Variants in CADM2 observed in about 807,000 individuals in gnomAD.
The protein encoded by CADM2 is immunoglobulin superfamily member 4D.
In CADM2, 12 loss-of-function variants were observed where a neutral mutation model predicts 49.8. The observed-to-expected ratio is 0.24, with a 90% confidence interval of 0.15 to 0.39. The LOEUF (loss-of-function observed/expected upper bound fraction) is 0.39. Ranked by LOEUF, CADM2 falls within the 10% of genes least tolerant of loss-of-function variation. CADM2 has a pLI of 1.00. For synonymous variants in CADM2, 214 were observed against 175.4 expected (o/e 1.22, Z -1.74); for missense variants, 378 against 492.3 (o/e 0.77, Z 2.20).
intron 1 of CADM2, among the ~76,000 whole-genome samples, chr3:85,251,965 T>G (rs543045846): frequency 3.9e-5 from 6 of 152,076 alleles, no homozygotes; most frequent in African/African-American, 1.4e-4. Context: ...ACTTTTCTCA[T>G]AATGGTCAAT....
intron 1 of CADM2, among the ~76,000 whole-genome samples, chr3:85,649,881 AG>A (rs1230772347): frequency 6.6e-6 from 1 of 152,162 alleles, no homozygotes; most frequent in Admixed American, 6.6e-5. Context: ...AAGGACAACC[AG>A]GTCTGTGCGA....
Position 85,479,905 on chromosome 3 carries a change from G to T in CADM2, c.62-246617G>T, listed in dbSNP as rs538204480. Reference sequence around the variant, plus strand: ...GTAAACAACAATTAACTATTTGTCTGATTATTTGATTTGGAATCTTTCTAT... The same window carrying T: ...GTAAACAACAATTAACTATTTGTCTTATTATTTGATTTGGAATCTTTCTAT... On this transcript the variant is annotated intron_variant, in intron 1 of 9. Coordinates refer to ENST00000383699, the MANE Select transcript of CADM2 (RefSeq NM_001167675.2). 2.0e-5 allele frequency among the ~76,000 whole-genome samples: 3 copies of T among 151,980 alleles called. No individual in the cohort carries two copies. In the East Asian group the frequency reaches 5.8e-4, roughly 29 times the overall value.
At chr3:85,738,990 T>A (rs934726382) in intron 2 of CADM2, among the ~76,000 whole-genome samples, 4 of 152,078 alleles carry the variant, frequency 2.6e-5, no homozygotes, top group Non-Finnish European at 5.9e-5. Context: ...GATATATCAA[T>A]CTCAATGATT....
rs531071266 is a variant in CADM2, at chr3:86,019,878, C to G, written c.971-45727C>G. 3.8e-4 allele frequency among the ~76,000 whole-genome samples: 58 copies of G among 152,166 alleles called. 2 individuals carry two copies. In the South Asian group the frequency reaches 0.011, roughly 28 times the overall value. On this transcript the variant is annotated intron_variant, in intron 8 of 9. Coordinates refer to ENST00000383699, the MANE Select transcript of CADM2 (RefSeq NM_001167675.2). ...AATTGAATACCCTTTATTTCCTTCT[C>G]CTGCCTAATTGCCCTGGCCAAAATT...
chr3:85,623,145 CACTT>C (rs1334154895), intron 1 of CADM2, among the ~76,000 whole-genome samples: 2 of 152,120 alleles, frequency 1.3e-5, no homozygotes, highest in African/African-American at 4.8e-5. Context: ...GACAAAATGT[CACTT>C]AACACCACTA....
chr3:85,584,631 C>A (rs1576866597), intron 1 of CADM2, among the ~76,000 whole-genome samples: 1 of 152,022 alleles, frequency 6.6e-6, no homozygotes, highest in East Asian at 1.9e-4. Flanking sequence ...CCCAGAAGTT[C>A]ACATGGCCAA....
chr3:85,623,600 A>G (rs1055480457), intron 1 of CADM2, among the ~76,000 whole-genome samples: 1 of 152,146 alleles, frequency 6.6e-6, no homozygotes, highest in Non-Finnish European at 1.5e-5. Flanking sequence ...TCAGAGAGCA[A>G]GTGTTATAAT....
chr3:85,330,317 G>A (rs2044881437), intron 1 of CADM2, among the ~76,000 whole-genome samples: 1 of 151,886 alleles, frequency 6.6e-6, no homozygotes, highest in Admixed American at 6.6e-5. Flanking sequence ...AACTCTCATA[G>A]CACTTATCAC....
chr3:85,035,984 A>C (rs188101718), intron 1 of CADM2, among the ~76,000 whole-genome samples: 1 of 152,344 alleles, frequency 6.6e-6, no homozygotes, highest in East Asian at 1.9e-4. Flanking sequence ...AGTGCTAAGC[A>C]TTCTCCTTCA....
intron 1 of CADM2, among the ~76,000 whole-genome samples, chr3:85,126,606 T>G (rs1034768413): frequency 2.0e-5 from 3 of 151,966 alleles, no homozygotes; most frequent in African/African-American, 7.2e-5. Flanking sequence ...TCTGTTAAGT[T>G]TTAACCATAT....
intron 1 of CADM2, among the ~76,000 whole-genome samples, chr3:85,361,897 A>G (rs2032387767): frequency 1.3e-5 from 2 of 152,220 alleles, no homozygotes; most frequent in Admixed American, 1.3e-4. Context: ...TCTCGACCAC[A>G]TGACTTAAGG....
intron 1 of CADM2, among the ~76,000 whole-genome samples, chr3:85,259,902 G>A (rs138076140): frequency 6.6e-6 from 1 of 152,102 alleles, no homozygotes; most frequent in East Asian, 1.9e-4. Flanking sequence ...CAAAATCGTT[G>A]TGCCAGGGTT....
At chr3:85,959,119 T>G (rs1177406077) in intron 7 of CADM2, among the ~76,000 whole-genome samples, 2 of 147,574 alleles carry the variant, frequency 1.4e-5, no homozygotes, top group African/African-American at 5.1e-5. Context: ...TATATCTATA[T>G]AGCTATATAG....
intron 8 of CADM2, among the ~76,000 whole-genome samples, chr3:85,965,378 G>A (rs1725351049): frequency 6.7e-6 from 1 of 150,240 alleles, no homozygotes; most frequent in South Asian, 2.1e-4. Flanking sequence ...GAATTACTCA[G>A]CAAAGTGCCA....
rs9835616 is a variant in CADM2, at chr3:85,258,674, T to C, written c.61+299006T>C. ...GCGTATGGAAGATAATGCTTTCTTT[T>C]TCTAACTAGTAATACTTGATTTATT... On this transcript the variant is annotated intron_variant, in intron 1 of 9. Coordinates refer to ENST00000383699, the MANE Select transcript of CADM2 (RefSeq NM_001167675.2). 4.9e-3 allele frequency among the ~76,000 whole-genome samples: 752 copies of C among 152,204 alleles called. 5 individuals carry two copies. Among genetic ancestry groups the C allele is most frequent in the Middle Eastern group, 0.024 (7 of 294 alleles).
intron 1 of CADM2, among the ~76,000 whole-genome samples, chr3:85,604,111 G>C (rs2063488093): frequency 6.6e-6 from 1 of 151,926 alleles, no homozygotes; most frequent in South Asian, 2.1e-4. Flanking sequence ...ATATGTAGGA[G>C]AGAAAGGATA....
intron 1 of CADM2, among the ~76,000 whole-genome samples, chr3:85,375,190 A>T (rs1576443215): frequency 6.6e-6 from 1 of 152,206 alleles, no homozygotes; most frequent in African/African-American, 2.4e-5. Context: ...TATTATCCAC[A>T]TTTTCAAGGA....
rs1422888475 is a variant in CADM2 at position 85,124,620 on chromosome 3, TAACA to T, written c.61+164959_61+164962del. On this transcript the variant is annotated intron_variant, in intron 1 of 9. Coordinates refer to ENST00000383699, the MANE Select transcript of CADM2 (RefSeq NM_001167675.2). Reference sequence around the variant, plus strand: ...ATTGTGTCTCAAAAAACAAACTAACTAACAAACAAAAACAAGTAAACAAAGAAAA... The same window carrying T: ...ATTGTGTCTCAAAAAACAAACTAACTAACAAAAACAAGTAAACAAAGAAAA... Among the ~76,000 whole-genome samples, 9 of 152,016 alleles carry T rather than the reference TAACA, an allele frequency of 5.9e-5. No homozygotes were observed. The East Asian group carries it at 1.7e-3, about 29-fold the overall frequency.
intron 1 of CADM2, among the ~76,000 whole-genome samples, chr3:85,363,900 C>T (rs1470503344): frequency 6.6e-6 from 1 of 152,176 alleles, no homozygotes; most frequent in Non-Finnish European, 1.5e-5. Flanking sequence ...CGTGAGCCAC[C>T]GCGCCCGGCC....
Sources: allele counts gnomAD v4.1 joint callset (sites outside exome capture counted in the v4.1 genomes callset), GRCh38; gene constraint gnomAD v4.1.1; transcripts MANE v1.5; gene names NCBI Gene and HGNC (gene_info 2026-07-23, HGNC 2026-07-21).